AFF3: variants seen among roughly 807,000 people sequenced by gnomAD.
AFF3 encodes the protein AF4/FMR2 family member 3.
A neutral mutation model predicts 129.7 loss-of-function variants in AFF3; 32 were observed. The observed-to-expected ratio is 0.25, with a 90% CI of 0.19 to 0.33. The LOEUF (loss-of-function observed/expected upper bound fraction) is 0.33, where lower values mean the gene tolerates loss of function less well. Ranked by LOEUF, AFF3 falls within the 10% of genes least tolerant of loss-of-function variation. The pLI is 1.00. For missense variants in AFF3, 1,373 were observed against 1,592.0 expected, an observed-to-expected ratio of 0.86 and a Z score of 2.34; for synonymous variants, 644 against 635.4, an observed-to-expected ratio of 1.01 and a Z score of -0.20.
chr2:99,625,538 T>A (rs1682459410), intron 13 of AFF3, among the ~76,000 whole-genome samples: 1 of 152,198 alleles, frequency 6.6e-6, no homozygotes, highest in South Asian at 2.1e-4. Context: ...GGAAACAGCA[T>A]CAACATTAAA....
chr2:99,621,233 C>G (rs978287881), intron 13 of AFF3, among the ~76,000 whole-genome samples: 1 of 152,224 alleles, frequency 6.6e-6, no homozygotes, highest in Non-Finnish European at 1.5e-5. Flanking sequence ...ACAATTCACT[C>G]CTGCTAATCT....
At position 100,141,069 on chromosome 2, in the gene AFF3, A is replaced by T. The variant is rs534619184; in HGVS notation, c.-228+1415T>A. On this transcript the variant is annotated intron_variant, in intron 1 of 24. Coordinates refer to ENST00000672756, the MANE Select transcript of AFF3 (RefSeq NM_001386135.1). ...TTCCAGGCACTTGTCTAAGCACTTT[A>T]CATGTATTAGCTTATTTAATTCTTA... Among the ~76,000 whole-genome samples, 169 of 152,300 alleles carry T rather than the reference A, an allele frequency of 1.1e-3. 1 individual carries two copies. Among genetic ancestry groups the T allele is most frequent in the African/African-American group, 3.8e-3 (156 of 41,556 alleles).
At chr2:99,917,479 T>C (rs1695551527) in intron 7 of AFF3, among the ~76,000 whole-genome samples, 1 of 152,180 alleles carries the variant, frequency 6.6e-6, no homozygotes, top group South Asian at 2.1e-4. Context: ...TACCCCTTTT[T>C]GTGTGAGTTC....
intron 4 of AFF3, among the ~76,000 whole-genome samples, chr2:100,018,555 C>T (rs970389801): frequency 2.6e-5 from 4 of 152,228 alleles, no homozygotes; most frequent in African/African-American, 9.6e-5. Context: ...AAATAAACTG[C>T]CAGGCTGTAT....
intron 18 of AFF3, among the ~76,000 whole-genome samples, chr2:99,576,348 C>CAA (rs59639748): frequency 0.017 from 1,786 of 103,312 alleles, 47 homozygotes; most frequent in African/African-American, 0.052. Context: ...GCTTTTTCTA[C>CAA]AAAAAAAAAA....
intron 7 of AFF3, among the ~76,000 whole-genome samples, chr2:99,996,527 ATTTTTT>A (rs756231548): frequency 2.2e-4 from 25 of 114,076 alleles, no homozygotes; most frequent in African/African-American, 7.1e-4. Context: ...CGCCCGGCTA[ATTTTTT>A]TTTTTTTTTT....
intron 4 of AFF3, among the ~76,000 whole-genome samples, chr2:100,100,476 C>T (rs562854039): frequency 1.3e-5 from 2 of 152,122 alleles, no homozygotes; most frequent in Non-Finnish European, 2.9e-5. Context: ...TCTTCCAAGA[C>T]TTAGTTCAAA....
At chr2:99,957,685 T>C (rs542851644) in intron 7 of AFF3, among the ~76,000 whole-genome samples, 166 of 152,330 alleles carry the variant, frequency 1.1e-3, no homozygotes, top group African/African-American at 3.8e-3. Flanking sequence ...TAAACCACTG[T>C]CAGGCTGCGA....
intron 16 of AFF3, among the ~76,000 whole-genome samples, chr2:99,585,150 C>T (rs561420333): frequency 1.1e-4 from 17 of 152,156 alleles, no homozygotes; most frequent in African/African-American, 2.2e-4. Flanking sequence ...AATTGTTTCT[C>T]GAAATGTGAG....
chr2:99,697,989 T>TC (rs1258213980), intron 11 of AFF3, among the ~76,000 whole-genome samples: 1 of 152,196 alleles, frequency 6.6e-6, no homozygotes, highest in Non-Finnish European at 1.5e-5. Context: ...TTGTTTTTTT[T>TC]CCTTTAAAAA....
intron 11 of AFF3, among the ~76,000 whole-genome samples, chr2:99,694,002 C>T (rs960160188): frequency 5.9e-5 from 9 of 151,992 alleles, no homozygotes; most frequent in Middle Eastern, 3.2e-3. Context: ...ACTGCAACCG[C>T]TGCCTCCCGG....
chr2:100,142,184 TA>T (rs989485566), intron 1 of AFF3, among the ~76,000 whole-genome samples: 1 of 151,922 alleles, frequency 6.6e-6, no homozygotes, highest in Non-Finnish European at 1.5e-5. Flanking sequence ...ACACTCAGGT[TA>T]TGTCTTCTTT....
At chr2:99,621,467 G>C (rs540666397) in intron 13 of AFF3, among the ~76,000 whole-genome samples, 1 of 152,188 alleles carries the variant, frequency 6.6e-6, no homozygotes, top group African/African-American at 2.4e-5. Flanking sequence ...CGTCCACCCA[G>C]AGCATTTTGG....
At chr2:99,920,713 G>C (rs935915011) in intron 7 of AFF3, among the ~76,000 whole-genome samples, 2 of 151,420 alleles carry the variant, frequency 1.3e-5, no homozygotes, top group Non-Finnish European at 3.0e-5. Context: ...AGATAAGCAA[G>C]AGAAAAAAAG....
chr2:99,906,333 G>A (rs1694712491), intron 7 of AFF3, among the ~76,000 whole-genome samples: 1 of 152,168 alleles, frequency 6.6e-6, no homozygotes, highest in Non-Finnish European at 1.5e-5. Context: ...GTGAGGATGT[G>A]GCAGAGCTGG....
chr2:99,704,029 T>C (rs1677125828), intron 11 of AFF3, among the ~76,000 whole-genome samples: 1 of 152,200 alleles, frequency 6.6e-6, no homozygotes, highest in Non-Finnish European at 1.5e-5. Context: ...GTAGAGACCT[T>C]ACCTCCATTT....
chr2:99,889,794 G>A (rs1693408571), intron 7 of AFF3, among the ~76,000 whole-genome samples: 2 of 152,146 alleles, frequency 1.3e-5, no homozygotes, highest in South Asian at 4.2e-4. Context: ...GAGTAGCTGG[G>A]ATTATAGGCG....
chr2:99,677,400 G>A (rs1188445471), intron 11 of AFF3, among the ~76,000 whole-genome samples: 2 of 152,168 alleles, frequency 1.3e-5, no homozygotes, highest in African/African-American at 4.8e-5. Context: ...TTACAGTAGA[G>A]TCTGAACCAG....
At chr2:99,585,336 C>G (rs1309843628) in intron 16 of AFF3, among the ~76,000 whole-genome samples, 6 of 152,120 alleles carry the variant, frequency 3.9e-5, no homozygotes, top group Admixed American at 1.3e-4. Context: ...CTTTGGAGCT[C>G]TTCTTTGAAA....
Sources: gnomAD v4.1 joint callset for allele counts (sites outside exome capture counted in the v4.1 genomes callset) on GRCh38, gnomAD v4.1.1 for gene constraint, MANE v1.5 for transcripts, NCBI Gene and HGNC (gene_info 2026-07-23, HGNC 2026-07-21) for gene names.